Variants in EIF4E2 observed in about 807,000 individuals in gnomAD.
The protein encoded by EIF4E2 is eukaryotic translation initiation factor 4E family member 2.
In EIF4E2, 13 loss-of-function variants were observed where a neutral mutation model predicts 34.2. That is an observed-to-expected ratio of 0.38 (90% confidence interval 0.25 to 0.60). EIF4E2 has a LOEUF of 0.60. EIF4E2 is among the 20% of genes least tolerant of loss of function. The pLI, the probability that EIF4E2 is intolerant of heterozygous loss-of-function variation, is 0.62. For synonymous variants in EIF4E2, 100 were observed against 106.6 expected (o/e 0.94, Z 0.38); for missense variants, 222 against 315.1 (o/e 0.70, Z 2.24).
intron 1 of EIF4E2, among the ~76,000 whole-genome samples, chr2:232,554,855 TCTC>T (rs1440151572): frequency 6.6e-6 from 1 of 152,198 alleles, no homozygotes; most frequent in African/African-American, 2.4e-5. Flanking sequence ...TGATCTTTCA[TCTC>T]CTGGATGAAA....
At position 232,566,679 on chromosome 2, in the gene EIF4E2, A is replaced by G; in HGVS notation, c.376-150A>G. 9 of 861,598 alleles carry G rather than the reference A, an allele frequency of 1.0e-5. No homozygotes were observed. Among genetic ancestry groups the G allele is most frequent in the Non-Finnish European group, 1.6e-5 (9 of 575,194 alleles). 53.4% of individuals were successfully genotyped at this position (861,598 alleles called of 1,614,324 possible). A position where few individuals can be genotyped will look rare whatever the true frequency, so the allele number is the denominator to read the frequency against. Reference sequence around the variant, plus strand: ...TTTTTTCCCCATTTCTTCTCTCCCTAGTCCTACCATCAGTTTTTCTATAGA... The same window carrying G: ...TTTTTTCCCCATTTCTTCTCTCCCTGGTCCTACCATCAGTTTTTCTATAGA... On this transcript the variant is annotated intron_variant, in intron 4 of 6. Transcript: ENST00000258416. The surrounding 1 kb of genome is among the most constrained non-coding windows in gnomAD (Gnocchi z 4.9).
intron 4 of EIF4E2, 74 bp downstream of exon 4, chr2:232,564,425 A>C (rs914565511): frequency 1.7e-5 from 13 of 743,792 alleles, no homozygotes; most frequent in Middle Eastern, 2.4e-4. Flanking sequence ...AGCCCTGCCA[A>C]GGTTAAAAGT....
Position 232,558,013 on chromosome 2 carries a change from G to T in EIF4E2, c.265G>T (p.Ala89Ser). The change falls in exon 3 of 7, where the codon GCC (alanine) becomes TCC (serine). Residue 89 changes from alanine (A) to serine (S), a missense_variant. By Grantham distance (99) the Ala-to-Ser change is moderately conservative. Around this residue, in one of 3 missense-constraint regions of EIF4E2, gnomAD observed 105 missense variants for 195.1 expected, o/e 0.54. Coordinates refer to ENST00000258416, the MANE Select transcript of EIF4E2 (RefSeq NM_004846.4). ...GAATATCAAACAGATTGGCACCTTT[G>T]CCTCTGTGAGTTCTTGGTGAATTAA... ...EQNIKQIGTF[A>S]SVEQFWRFYS... 1 of 1,613,992 alleles carries T rather than the reference G, an allele frequency of 6.2e-7. No homozygotes were observed. Among genetic ancestry groups the T allele is most frequent in the South Asian group, 1.1e-5 (1 of 91,018 alleles).
chr2:232,569,462 C>G (rs1693038807), downstream of EIF4E2, among the ~76,000 whole-genome samples: 2 of 152,104 alleles, frequency 1.3e-5, no homozygotes, highest in Non-Finnish European at 2.9e-5. Flanking sequence ...GAGTTCCCAT[C>G]TAGTCACACC....
chr2:232,554,050 A>G (rs1692434710), intron 1 of EIF4E2, among the ~76,000 whole-genome samples: 1 of 152,104 alleles, frequency 6.6e-6, no homozygotes, highest in African/African-American at 2.4e-5. Context: ...TGAAGAAGAG[A>G]GTTGTCCTGG....
chr2:232,577,580 G>A (rs1043158614), intron 6 of EIF4E2, among the ~76,000 whole-genome samples: 1 of 152,224 alleles, frequency 6.6e-6, no homozygotes, highest in Admixed American at 6.5e-5. Flanking sequence ...ACCATTTTAA[G>A]GTAGAGCAGA....
intron 3 of EIF4E2, 66 bp from the exon 4 acceptor site, chr2:232,564,181 C>A: frequency 9.3e-7 from 1 of 1,075,086 alleles, no homozygotes; most frequent in Non-Finnish European, 1.4e-6. Flanking sequence ...TAAATCTCAA[C>A]CTTGGGATGC....
rs189233126 is a variant in EIF4E2, at chr2:232,559,808, G to C, written c.270+1790G>C. ...AAAAAGTTTAAAATTAGCTGGCTTG[G>C]AGAAAACGGGAGCATTAAAAAAAAA... On this transcript the variant is annotated intron_variant, in intron 3 of 6. Transcript: ENST00000258416. 2.8e-4 allele frequency among the ~76,000 whole-genome samples: 40 copies of C among 145,104 alleles called. No homozygotes were observed. The East Asian group carries it at 6.3e-3, about 23-fold the overall frequency.
rs796901938 is a variant in EIF4E2, at chr2:232,566,180, G to GTTGTT, written c.376-631_376-627dup. Among the ~76,000 whole-genome samples the GTTGTT allele has an allele frequency of 8.1e-4, 123 of 151,934 alleles. No individual in the cohort carries two copies. The highest frequency in any genetic ancestry group is 2.8e-3 in the African/African-American group (115 of 41,456). On this transcript the variant is annotated intron_variant, in intron 4 of 6. Coordinates refer to ENST00000258416, the MANE Select transcript of EIF4E2 (RefSeq NM_004846.4). The surrounding 1 kb of genome is among the most constrained non-coding windows in gnomAD (Gnocchi z 4.9). ...GTCAGTACTTTTTTTTGTCGTCGTT[G>GTTGTT]TTGTTTTGTTTTGTTTTGTTTTTTG...
chr2:232,554,494 C>T (rs1032801327), intron 1 of EIF4E2, among the ~76,000 whole-genome samples: 9 of 152,126 alleles, frequency 5.9e-5, no homozygotes, highest in Non-Finnish European at 1.3e-4. Context: ...TCTGGTAGCT[C>T]ATACACACCA....
At chr2:232,552,776 A>G (rs1692390242) in intron 1 of EIF4E2, among the ~76,000 whole-genome samples, 1 of 149,658 alleles carries the variant, frequency 6.7e-6, no homozygotes, top group South Asian at 2.1e-4. Context: ...GAATCTTTTA[A>G]CATCTGCCCT....
At chr2:232,550,850 G>A in intron 1 of EIF4E2, 106 bp downstream of exon 1, 2 of 1,159,360 alleles carry the variant, frequency 1.7e-6, no homozygotes, top group Non-Finnish European at 2.4e-6. Context: ...CGGCTTCCCT[G>A]CTGGGATCCG....
chr2:232,564,189 T>G, intron 3 of EIF4E2, 58 bp from the exon 4 acceptor site: 3 of 1,125,136 alleles, frequency 2.7e-6, no homozygotes, highest in Non-Finnish European at 3.9e-6. Context: ...AACCTTGGGA[T>G]GCATTCAAAG....
intron 6 of EIF4E2, chr2:232,568,119 C>T: frequency 1.0e-6 from 1 of 985,396 alleles, no homozygotes; most frequent in Non-Finnish European, 1.2e-6. Context: ...ATGGAGAATG[C>T]TTTTACGGGG....
At position 232,581,373 on chromosome 2, in the gene EIF4E2, C is replaced by T. The variant is rs1693357177; in HGVS notation, c.*430C>T. The stretch of plus-strand genomic sequence containing the variant: ...GGAAAAGTGTTCTGTTGGAGAGTCC[C>T]AAAATAGCTGTAAATGCTCTCTTCT... On this transcript the variant is annotated 3_prime_UTR_variant, in exon 7 of 7. Coordinates refer to the EIF4E2 transcript ENST00000409098. The surrounding 1 kb of genome is among the most constrained non-coding windows in gnomAD (Gnocchi z 5.2). The T allele has an allele frequency of 2.9e-6, 1 of 339,168 alleles. No individual in the cohort carries two copies. Among genetic ancestry groups the T allele is most frequent in the Admixed American group, 4.3e-5 (1 of 23,074 alleles). 21.0% of individuals were successfully genotyped at this position (339,168 alleles called of 1,614,324 possible). A position where few individuals can be genotyped will look rare whatever the true frequency, so the allele number is the denominator to read the frequency against.
At chr2:232,582,581 T>C (rs1419105446) in exon 7 of EIF4E2, 1 of 152,228 alleles carries the variant, frequency 6.6e-6, no homozygotes, top group African/African-American at 2.4e-5. Flanking sequence ...ATTGGCTACA[T>C]GGAGAGCAAA....
chr2:232,566,959 C>T lies in EIF4E2; in HGVS notation c.506C>T (p.Ala169Val), dbSNP rs375938541. ...ATGGTTGGGGAGGAGATCTGTGGGGCTGTGGTGTCTGTCCGCTTTCAGGTA... is the reference window on the plus strand; with the variant it reads ...ATGGTTGGGGAGGAGATCTGTGGGGTTGTGGTGTCTGTCCGCTTTCAGGTA... ...QFMVGEEICGAVVSVRFQEDI... is the reference protein window; with the variant it reads ...QFMVGEEICGVVVSVRFQEDI... Residue 169 changes from alanine (A) to valine (V), a missense_variant, in exon 5 of 7, where the codon GCT becomes GTT. Around this residue, in one of 3 missense-constraint regions of EIF4E2, gnomAD observed 105 missense variants for 195.1 expected, o/e 0.54. Coordinates refer to ENST00000258416, the MANE Select transcript of EIF4E2 (RefSeq NM_004846.4). The surrounding 1 kb of genome is among the most constrained non-coding windows in gnomAD (Gnocchi z 4.9). The T allele has an allele frequency of 6.3e-7, 1 of 1,598,328 alleles. No individual in the cohort carries two copies. The highest frequency in any genetic ancestry group is 1.3e-5 in the African/African-American group (1 of 74,488).
At chr2:232,567,902 G>T (rs1302956332) in intron 6 of EIF4E2, 42 of 985,366 alleles carry the variant, frequency 4.3e-5, no homozygotes, top group Non-Finnish European at 4.2e-5. Flanking sequence ...GTGGCTGTCA[G>T]ATTGTCTCAA....
At chr2:232,579,748 C>T (rs1693301652) in intron 6 of EIF4E2, among the ~76,000 whole-genome samples, 1 of 152,100 alleles carries the variant, frequency 6.6e-6, no homozygotes, top group Non-Finnish European at 1.5e-5. Flanking sequence ...GTCACTTGAG[C>T]TCAAGAGTTC....
Sources: allele counts gnomAD v4.1 joint callset (sites outside exome capture counted in the v4.1 genomes callset), GRCh38; gene constraint gnomAD v4.1.1; regional missense constraint gnomAD v4.1.1; non-coding constraint Gnocchi (gnomAD v3.1); transcripts MANE v1.5; gene names NCBI Gene and HGNC (gene_info 2026-07-23, HGNC 2026-07-21).